The following USP6NL variants were observed in gnomAD, a reference collection of about 807,000 sequenced individuals.
The protein encoded by USP6NL is USP6 N-terminal like, also known as USP6 N-terminal-like protein.
In USP6NL, 26 loss-of-function variants were observed where a neutral mutation model predicts 61.9. The ratio of observed to expected loss-of-function variants is 0.42; its 90% CI spans 0.31 to 0.58. The LOEUF is 0.58. Ranked by LOEUF, USP6NL falls within the 20% of genes least tolerant of loss-of-function variation. USP6NL has a pLI of 0.16. For missense variants in USP6NL, 1,114 were observed against 1,034.3 expected (o/e 1.08, Z -1.06); for synonymous variants, 432 against 390.1 (o/e 1.11, Z -1.27).
chr10:11,526,083 G>A (rs1835403820), intron 3 of USP6NL, among the ~76,000 whole-genome samples: 1 of 137,874 alleles, frequency 7.3e-6, no homozygotes, highest in African/African-American at 2.5e-5. Flanking sequence ...GTCCTCTCAT[G>A]GTCTCCTCAT....
intron 5 of USP6NL, among the ~76,000 whole-genome samples, chr10:11,509,877 C>T (rs1250884339): frequency 6.6e-6 from 1 of 152,120 alleles, no homozygotes; most frequent in African/African-American, 2.4e-5. Flanking sequence ...ATAGGAAATG[C>T]TCTCTCTAGG....
rs575953729 is a variant in USP6NL, at chr10:11,532,576, T to G, written c.5-5009A>C. ...ATTCCATCCGCTAACAAACAGCGGC[T>G]TGAAAGAAGCAGCTTCATAATGTGC... On this transcript the variant is annotated intron_variant, in intron 2 of 14. Transcript: ENST00000609104. This position sits in a 1 kb window ranked among gnomAD's most constrained non-coding sequence, Gnocchi z 4.1. Among the ~76,000 whole-genome samples, 2 of 152,344 alleles carry G rather than the reference T, an allele frequency of 1.3e-5. No individual in the cohort carries two copies. The highest frequency in any genetic ancestry group is 3.9e-4 in the East Asian group (2 of 5,194).
chr10:11,483,568 C>CAGGGAGAG (rs1336351922), intron 13 of USP6NL, among the ~76,000 whole-genome samples: 1 of 35,396 alleles, frequency 2.8e-5, no homozygotes, highest in Non-Finnish European at 5.3e-5. Context: ...GGGAGAGAGG[C>CAGGGAGAG]AGGGAGAGAG....
At position 11,557,353 on chromosome 10, in the gene USP6NL, A is replaced by T. The variant is rs575079471; in HGVS notation, c.5-29786T>A. On this transcript the variant is annotated intron_variant, in intron 2 of 14. Transcript: ENST00000609104. ...GCAAAGGAGGCAAGTACAATACCCA[A>T]CACTTAATAGCAATTAGAATTTGTT... is the stretch of plus-strand genomic sequence containing the variant. Among the ~76,000 whole-genome samples, 63 of 152,312 alleles carry T rather than the reference A, an allele frequency of 4.1e-4. 1 individual carries two copies. Among genetic ancestry groups the T allele is most frequent in the African/African-American group, 1.3e-3 (56 of 41,570 alleles).
intron 2 of USP6NL, among the ~76,000 whole-genome samples, chr10:11,583,313 G>A (rs1044567660): frequency 2.7e-5 from 4 of 150,056 alleles, no homozygotes; most frequent in African/African-American, 7.3e-5. Flanking sequence ...TCAGTCTCCC[G>A]AGTAGCTGGG....
chr10:11,600,416 C>T lies in USP6NL; in HGVS notation c.-83-2699G>A, dbSNP rs189930731. Among the ~76,000 whole-genome samples the T allele has an allele frequency of 1.7e-4, 26 of 152,292 alleles. No homozygotes were observed. Among genetic ancestry groups the T allele is most frequent in the African/African-American group, 5.5e-4 (23 of 41,566 alleles). ...GTAACTGAAGCCAACCCACATCTTA[C>T]AGCCAAACCCAGCCAAACTCAACAG... On this transcript the variant is annotated intron_variant, in intron 1 of 14. Coordinates refer to ENST00000609104, the MANE Select transcript of USP6NL (RefSeq NM_014688.5). This position sits in a 1 kb window ranked among gnomAD's most constrained non-coding sequence, Gnocchi z 4.1.
At chr10:11,526,578 T>C (rs1162977914) in intron 3 of USP6NL, among the ~76,000 whole-genome samples, 1 of 152,154 alleles carries the variant, frequency 6.6e-6, no homozygotes, top group East Asian at 1.9e-4. Context: ...GTTCCAAAAA[T>C]GAACTCTGGG....
chr10:11,532,873 T>C lies in USP6NL; in HGVS notation c.5-5306A>G, dbSNP rs946823921. Among the ~76,000 whole-genome samples the C allele has an allele frequency of 1.3e-5, 2 of 152,194 alleles. No individual in the cohort carries two copies. Among genetic ancestry groups the C allele is most frequent in the Non-Finnish European group, 2.9e-5 (2 of 68,028 alleles). On this transcript the variant is annotated intron_variant, in intron 2 of 14. Transcript: ENST00000609104. The surrounding 1 kb of genome is among the most constrained non-coding windows in gnomAD (Gnocchi z 4.1). ...TTAACAAACCACACACACATACAAG[T>C]AAAACAAATGTCTCATGAAACAATA...
chr10:11,493,154 C>T lies in USP6NL; in HGVS notation c.459G>A (p.Arg153=), dbSNP rs1478677571. Reference sequence around the variant, plus strand: ...ATCTGTCTCTAAACATAATGTGGTCCCGAAATGTGCGGTTGACATCCAGGT... The same window carrying T: ...ATCTGTCTCTAAACATAATGTGGTCTCGAAATGTGCGGTTGACATCCAGGT... The part of the protein sequence containing the change: ...QIDLDVNRTF[R]DHIMFRDRYG... The change falls in exon 8 of 15, where the codon CGG becomes CGA. Residue 153 remains arginine (R), a synonymous_variant. Transcript: ENST00000609104. 6.8e-6 allele frequency: 11 copies of T among 1,611,878 alleles called. No homozygotes were observed. The highest frequency in any genetic ancestry group is 9.3e-6 in the Non-Finnish European group (11 of 1,179,066).
At position 11,562,438 on chromosome 10, in the gene USP6NL, A is replaced by G. The variant is rs1229694682; in HGVS notation, c.5-34871T>C. On this transcript the variant is annotated intron_variant, in intron 2 of 14. Transcript: ENST00000609104. The surrounding 1 kb of genome is among the most constrained non-coding windows in gnomAD (Gnocchi z 4.8). The stretch of plus-strand genomic sequence containing the variant: ...TGCTTGGCTCTTGGACCTAAGGATG[A>G]AGACGCAGCAGTCATCACGTATCTC... The G allele has an allele frequency of 1.0e-6, 1 of 985,234 alleles. No individual in the cohort carries two copies. The highest frequency in any genetic ancestry group is 1.2e-6 in the Non-Finnish European group (1 of 829,934). The allele number at this position is 985,234 out of a possible 1,614,324, so 61.0% of individuals were successfully genotyped here.
chr10:11,469,542 G>C (rs1188611932), intron 14 of USP6NL, among the ~76,000 whole-genome samples: 1 of 152,320 alleles, frequency 6.6e-6, no homozygotes, highest in African/African-American at 2.4e-5. Flanking sequence ...AGAGGAATAT[G>C]GCAAATACCT....
At position 11,530,101 on chromosome 10, in the gene USP6NL, CAAAAAAA is replaced by C. The variant is rs900768943; in HGVS notation, c.5-2541_5-2535del. Among the ~76,000 whole-genome samples the C allele has an allele frequency of 9.7e-3, 701 of 72,024 alleles. 3 individuals carry two copies. Among genetic ancestry groups the C allele is most frequent in the African/African-American group, 0.012 (235 of 18,966 alleles). The allele number at this position is 72,024 out of a possible 152,430, so 47.3% of individuals were successfully genotyped here. ...TGGGTGACAGAGTAAGACCCTGTCT[CAAAAAAA>C]AAAAAAAAAAAAAAAAGAAATTAAA... On this transcript the variant is annotated intron_variant, in intron 2 of 14. Coordinates refer to ENST00000609104, the MANE Select transcript of USP6NL (RefSeq NM_014688.5).
intron 4 of USP6NL, among the ~76,000 whole-genome samples, chr10:11,523,979 T>C (rs1430909392): frequency 6.6e-6 from 1 of 152,180 alleles, no homozygotes; most frequent in Non-Finnish European, 1.5e-5. Context: ...ATGGTTAAAT[T>C]GTCCTTCATA....
chr10:11,517,055 G>A (rs1201784101), intron 5 of USP6NL, among the ~76,000 whole-genome samples: 1 of 152,164 alleles, frequency 6.6e-6, no homozygotes, highest in East Asian at 1.9e-4. Context: ...TGGACTGCCA[G>A]ATTTTTATTT....
rs1008500252 is a variant in USP6NL at position 11,468,634 on chromosome 10, C to A, written c.1079-4785G>T. 6.6e-6 allele frequency among the ~76,000 whole-genome samples: 1 copy of A among 152,090 alleles called. No homozygotes were observed. Among genetic ancestry groups the A allele is most frequent in the South Asian group, 2.1e-4 (1 of 4,822 alleles). ...TGGTGCAGGAAACAATAAACTGTAG[C>A]GTGGGAGTGGAGGGGAGGAGGTGTG... On this transcript the variant is annotated intron_variant, in intron 14 of 14. Coordinates refer to ENST00000609104, the MANE Select transcript of USP6NL (RefSeq NM_014688.5). This position sits in a 1 kb window ranked among gnomAD's most constrained non-coding sequence, Gnocchi z 4.5.
intron 14 of USP6NL, among the ~76,000 whole-genome samples, chr10:11,475,596 C>CAAAA (rs35589300): frequency 1.6e-4 from 6 of 38,704 alleles, no homozygotes; most frequent in South Asian, 2.4e-3. Flanking sequence ...AACTCTGTCG[C>CAAAA]AAAAAAAAAA....
At chr10:11,573,899 T>C in intron 2 of USP6NL, 3 of 373,044 alleles carry the variant, frequency 8.0e-6, no homozygotes, top group Non-Finnish European at 1.4e-5. Flanking sequence ...TTCAAAGTGA[T>C]TTCAGCACGT....
intron 2 of USP6NL, among the ~76,000 whole-genome samples, chr10:11,582,476 T>TA (rs1387775708): frequency 8.5e-5 from 13 of 152,246 alleles, no homozygotes. Context: ...TACAAACTTC[T>TA]ACAATATAAA....
Position 11,595,671 on chromosome 10 carries a change from TA to T in USP6NL, c.4+1959del, listed in dbSNP as rs984236104. ...AATCACAAAAAGAAAGAGAGAGACATAAGAGCAAAAAAACTTCCATCAGAAT... is the reference window on the plus strand; with the variant it reads ...AATCACAAAAAGAAAGAGAGAGACATAGAGCAAAAAAACTTCCATCAGAAT... On this transcript the variant is annotated intron_variant, in intron 2 of 14. Transcript: ENST00000609104. The surrounding 1 kb of genome is among the most constrained non-coding windows in gnomAD (Gnocchi z 5.3). Among the ~76,000 whole-genome samples, 15 of 151,682 alleles carry T rather than the reference TA, an allele frequency of 9.9e-5. No individual in the cohort carries two copies. Among genetic ancestry groups the T allele is most frequent in the African/African-American group, 3.6e-4 (15 of 41,264 alleles).
Sources: gnomAD v4.1 joint callset for allele counts (sites outside exome capture counted in the v4.1 genomes callset) on GRCh38, gnomAD v4.1.1 for gene constraint, Gnocchi (gnomAD v3.1) non-coding constraint, MANE v1.5 for transcripts, NCBI Gene and HGNC (gene_info 2026-07-23, HGNC 2026-07-21) for gene names.